Variants in OAF observed in about 807,000 individuals in gnomAD.
OAF encodes out at first protein homolog.
OAF carries 13 observed loss-of-function variants against 22.5 expected under a neutral mutation model. The ratio of observed to expected loss-of-function variants is 0.58; its 90% CI spans 0.38 to 0.92. The LOEUF is 0.92. Among genes scored for constraint, OAF ranks in the 40% least tolerant of loss-of-function variants. The probability of loss-of-function intolerance (pLI) is 0.00; values close to 1 mark genes in which losing one functional copy is unlikely to be tolerated. For synonymous variants in OAF, 175 were observed against 170.5 expected, an observed-to-expected ratio of 1.03 and a Z score of -0.21; for missense variants, 347 against 381.8, an observed-to-expected ratio of 0.91 and a Z score of 0.76.
At chr11:120,213,065 AC>A (rs1218073314) in intron 1 of OAF, among the ~76,000 whole-genome samples, 1 of 151,464 alleles carries the variant, frequency 6.6e-6, no homozygotes, top group African/African-American at 2.4e-5. Context: ...GAGGCTCCCA[AC>A]CCCCTGCCCA....
intron 1 of OAF, 38 bp downstream of exon 1, chr11:120,211,548 C>G (rs2135087141): frequency 7.4e-7 from 1 of 1,359,938 alleles, no homozygotes; most frequent in African/African-American, 1.5e-5. Context: ...CACCTTCAAG[C>G]CTGAGCCCCC....
Position 120,229,365 on chromosome 11 carries a change from G to GTTTTTTAATGATAC in OAF, c.*223_*224insTTTTTTAATGATAC. The stretch of plus-strand genomic sequence containing the variant: ...CATTCCCACCCTGTGCCTTCCTTGC[G>GTTTTTTAATGATAC]GGCAGAGAGGGAGAGAAGGGCTCCC... On this transcript the variant is annotated 3_prime_UTR_variant, in exon 4 of 4. Transcript: ENST00000328965. The GTTTTTTAATGATAC allele has an allele frequency of 1.8e-6, 1 of 544,592 alleles. No individual in the cohort carries two copies. The highest frequency in any genetic ancestry group is 2.2e-5 in the South Asian group (1 of 45,508). The allele number at this position is 544,592 out of a possible 1,614,324, so 33.7% of individuals were successfully genotyped here.
intron 1 of OAF, among the ~76,000 whole-genome samples, chr11:120,219,126 G>T (rs1298453345): frequency 6.6e-6 from 1 of 151,044 alleles, no homozygotes; most frequent in Non-Finnish European, 1.5e-5. Flanking sequence ...GGGGGTGGGC[G>T]TGGGGACTGC....
chr11:120,225,792 G>A lies in OAF; in HGVS notation c.363G>A (p.Arg121=), dbSNP rs139718992. The stretch of plus-strand genomic sequence containing the variant: ...CCAGTGAGGCCATGGCCAAGCTCCG[G>A]CAGGTAAGTGCCCCACCAGGCCTGC... ...IIPSEAMAKL[R]QKNPRAVRQA... is the part of the protein sequence containing the mutation. Residue 121 remains arginine, a synonymous_variant, in exon 2 of 4, where the codon CGG becomes CGA. Coordinates refer to ENST00000328965, the MANE Select transcript of OAF (RefSeq NM_178507.4). 1.9e-5 allele frequency: 31 copies of A among 1,598,100 alleles called. No individual in the cohort carries two copies. The African/African-American group carries it at 2.7e-4, about 14-fold the overall frequency.
At chr11:120,220,656 C>A (rs115962948) in intron 1 of OAF, among the ~76,000 whole-genome samples, 3 of 152,096 alleles carry the variant, frequency 2.0e-5, no homozygotes, top group African/African-American at 7.2e-5. Context: ...AGAGGAGGGT[C>A]GTTTGTGAGC....
At chr11:120,224,926 C>T (rs993133933) in intron 1 of OAF, among the ~76,000 whole-genome samples, 1 of 152,198 alleles carries the variant, frequency 6.6e-6, no homozygotes, top group African/African-American at 2.4e-5. Flanking sequence ...GCCCACCCTA[C>T]AGCTCTACTC....
chr11:120,215,785 C>T (rs1938204220), intron 1 of OAF, among the ~76,000 whole-genome samples: 1 of 152,170 alleles, frequency 6.6e-6, no homozygotes, highest in Non-Finnish European at 1.5e-5. Flanking sequence ...TCCGAGTGGC[C>T]AAAAGCTGGG....
chr11:120,227,271 C>T (rs1374991504), intron 3 of OAF, among the ~76,000 whole-genome samples: 1 of 152,140 alleles, frequency 6.6e-6, no homozygotes, highest in Non-Finnish European at 1.5e-5. Context: ...TAGCTACAGG[C>T]GTTCAGGGAG....
At position 120,226,796 on chromosome 11, in the gene OAF, G is replaced by A. The variant is rs1228848791; in HGVS notation, c.367-20G>A. The stretch of plus-strand genomic sequence containing the variant: ...GAGCATTCTGAAGCCAGGTAGGAGT[G>A]ACTTCTCTCCCACACACAGAAAAAT... On this transcript the variant is annotated intron_variant, in intron 2 of 3. Coordinates refer to ENST00000328965, the MANE Select transcript of OAF (RefSeq NM_178507.4). 2.5e-6 allele frequency: 4 copies of A among 1,569,160 alleles called. No individual in the cohort carries two copies. The African/African-American group carries it at 5.4e-5, about 21-fold the overall frequency.
At chr11:120,224,328 C>A (rs1197286470) in intron 1 of OAF, among the ~76,000 whole-genome samples, 1 of 152,246 alleles carries the variant, frequency 6.6e-6, no homozygotes, top group Admixed American at 6.5e-5. Context: ...ACGATGCTTG[C>A]TGGTCACCTA....
intron 1 of OAF, among the ~76,000 whole-genome samples, chr11:120,220,294 G>A (rs1938264054): frequency 6.6e-6 from 1 of 152,144 alleles, no homozygotes; most frequent in African/African-American, 2.4e-5. Context: ...CCTGCGTCCT[G>A]CTTGTGTCCT....
intron 1 of OAF, among the ~76,000 whole-genome samples, chr11:120,214,895 C>T (rs186330645): frequency 6.6e-5 from 10 of 152,284 alleles, no homozygotes; most frequent in African/African-American, 1.9e-4. Flanking sequence ...TCAGGCTGAC[C>T]GAGCCACAGC....
chr11:120,218,095 G>A (rs1938235180), intron 1 of OAF, among the ~76,000 whole-genome samples: 1 of 152,120 alleles, frequency 6.6e-6, no homozygotes, highest in African/African-American at 2.4e-5. Context: ...GCAGCAGTCA[G>A]GACAGTGGTG....
At position 120,230,253 on chromosome 11, in the gene OAF, T is replaced by A. The variant is rs1938420144; in HGVS notation, c.*1111T>A. The stretch of plus-strand genomic sequence containing the variant: ...CGCTTCAGATCTGGGCTCGGCTACT[T>A]ACCTGCTGTGCAGCCATGGGTCAAG... On this transcript the variant is annotated 3_prime_UTR_variant, in exon 4 of 4. Transcript: ENST00000328965. The A allele has an allele frequency of 6.6e-6, 1 of 152,218 alleles. No individual in the cohort carries two copies. Among genetic ancestry groups the A allele is most frequent in the African/African-American group, 2.4e-5 (1 of 41,456 alleles). The allele number at this position is 152,218 out of a possible 1,614,324, so 9.4% of individuals were successfully genotyped here.
chr11:120,229,083 G>A lies in OAF; in HGVS notation c.763G>A (p.Asp255Asn), dbSNP rs751702862. The change falls in exon 4 of 4, where the codon GAC becomes AAC. Residue 255 changes from aspartate to asparagine, a missense_variant. Coordinates refer to ENST00000328965, the MANE Select transcript of OAF (RefSeq NM_178507.4). ...CAGCTGCCAGAAGAGCTACAGCTTC[G>A]ACTTCTACGTGCCCCAGAGGCAGCT... ...IRSCQKSYSF[D>N]FYVPQRQLCL... 7 of 1,613,580 alleles carry A rather than the reference G, an allele frequency of 4.3e-6. No homozygotes were observed. Among genetic ancestry groups the A allele is most frequent in the Admixed American group, 3.3e-5 (2 of 59,998 alleles).
In OAF at chr11:120,211,075, T is replaced by G; in HGVS notation, c.-205T>G. ...GGAGCCGGGCCGGGGCAGCGCCGTC[T>G]CCGCCTCGGGGCCGCCGGGGGCGCC... On this transcript the variant is annotated 5_prime_UTR_variant, in exon 1 of 4. Transcript: ENST00000328965. The G allele has an allele frequency of 5.4e-6, 1 of 184,802 alleles. No individual in the cohort carries two copies. The allele number at this position is 184,802 out of a possible 1,614,324, so 11.4% of individuals were successfully genotyped here.
intron 1 of OAF, among the ~76,000 whole-genome samples, chr11:120,216,727 T>C (rs1938217210): frequency 6.6e-6 from 1 of 152,208 alleles, no homozygotes; most frequent in South Asian, 2.1e-4. Context: ...CCTGGGATAA[T>C]GGAGGATCCT....
At chr11:120,217,891 C>T (rs928698957) in intron 1 of OAF, among the ~76,000 whole-genome samples, 5 of 152,192 alleles carry the variant, frequency 3.3e-5, no homozygotes, top group African/African-American at 1.2e-4. Context: ...GGGACCAAAG[C>T]ATCATGAGGA....
Position 120,211,496 on chromosome 11 carries a change from G to A in OAF, c.217G>A (p.Ala73Thr), listed in dbSNP as rs761869786. The change falls in exon 1 of 4, where the codon GCC becomes ACC. Residue 73 changes from alanine to threonine, a missense_variant. Ala to Thr is a moderately conservative substitution (Grantham distance 58). Transcript: ENST00000328965. ...CGACGGCACCCTCGTCTCCTTCACC[G>A]CCGACTTCAAGAAGGTGAGGCGCCC... ...KPDGTLVSFTADFKKDVKVFR... is the reference protein window; with the variant it reads ...KPDGTLVSFTTDFKKDVKVFR... 7 of 1,469,416 alleles carry A rather than the reference G, an allele frequency of 4.8e-6. No homozygotes were observed. Among genetic ancestry groups the A allele is most frequent in the Non-Finnish European group, 6.3e-6 (7 of 1,104,126 alleles). The allele number at this position is 1,469,416 out of a possible 1,614,324, so 91.0% of individuals were successfully genotyped here.
Sources: gnomAD v4.1 joint callset for allele counts (sites outside exome capture counted in the v4.1 genomes callset) on GRCh38, gnomAD v4.1.1 for gene constraint, MANE v1.5 for transcripts, NCBI Gene and HGNC (gene_info 2026-07-23, HGNC 2026-07-21) for gene names.